Variants in PTPRC observed in about 807,000 individuals in gnomAD.
PTPRC encodes protein tyrosine phosphatase receptor type C.
Under a neutral mutation model 155.9 loss-of-function variants are expected in PTPRC, and 44 were observed. The ratio of observed to expected loss-of-function variants is 0.28; its 90% CI spans 0.22 to 0.36. The LOEUF (loss-of-function observed/expected upper bound fraction) is 0.36, where lower values mean the gene tolerates loss of function less well. PTPRC is among the 10% of genes least tolerant of loss of function. The pLI is 1.00. For missense variants in PTPRC, 1,401 were observed against 1,564.6 expected (o/e 0.90, Z 1.76); for synonymous variants, 525 against 533.1 (o/e 0.98, Z 0.21).
chr1:198,692,215 A>T, intron 2 of PTPRC, 132 bp from the exon 3 acceptor site: 2 of 564,996 alleles, frequency 3.5e-6, no homozygotes, highest in Non-Finnish European at 3.0e-6. Flanking sequence ...ATTAGGGTAA[A>T]AGCTACTGAA....
Position 198,756,212 on chromosome 1 carries a change from T to G in PTPRC, c.*31T>G, listed in dbSNP as rs375555772. On this transcript the variant is annotated 3_prime_UTR_variant, in exon 33 of 33. Coordinates refer to ENST00000442510, the MANE Select transcript of PTPRC (RefSeq NM_002838.5). ...GACATAAATGAGGAAACTCCAAACCTCCTGTTAGCTGTTATTTCTATTTTT... is the reference window on the plus strand; with the variant it reads ...GACATAAATGAGGAAACTCCAAACCGCCTGTTAGCTGTTATTTCTATTTTT... 1.7e-4 allele frequency: 272 copies of G among 1,611,362 alleles called. No homozygotes were observed. In the Middle Eastern group the frequency reaches 2.2e-3, roughly 13 times the overall value.
At chr1:198,705,042 A>G (rs542067733) in intron 8 of PTPRC, among the ~76,000 whole-genome samples, 3 of 152,180 alleles carry the variant, frequency 2.0e-5, no homozygotes, top group African/African-American at 7.2e-5. Flanking sequence ...AAGAAGAAAA[A>G]TCTCTCTTTT....
At chr1:198,681,078 A>T (rs868803084) in intron 2 of PTPRC, among the ~76,000 whole-genome samples, 1 of 152,270 alleles carries the variant, frequency 6.6e-6, no homozygotes, top group Non-Finnish European at 1.5e-5. Flanking sequence ...TTCCTTCTTT[A>T]CTAAAGATAG....
intron 32 of PTPRC, among the ~76,000 whole-genome samples, chr1:198,754,786 A>C (rs12127496): frequency 0.094 from 14,359 of 152,094 alleles, 893 homozygotes; most frequent in Non-Finnish European, 0.14. Context: ...TAGTCTAATG[A>C]TATGCTGGAA....
intron 3 of PTPRC, chr1:198,693,934 G>C: frequency 4.2e-6 from 6 of 1,438,354 alleles, no homozygotes; most frequent in Non-Finnish European, 5.5e-6. Context: ...GTTCTCTAGA[G>C]GGACAGAACT....
At chr1:198,723,726 A>G (rs570885951) in intron 15 of PTPRC, among the ~76,000 whole-genome samples, 1 of 152,216 alleles carries the variant, frequency 6.6e-6, no homozygotes, top group East Asian at 1.9e-4. Flanking sequence ...GCATGCTAGC[A>G]AGGGAGCCTG....
At chr1:198,669,792 A>G (rs557414757) in intron 2 of PTPRC, among the ~76,000 whole-genome samples, 1 of 152,332 alleles carries the variant, frequency 6.6e-6, no homozygotes, top group South Asian at 2.1e-4. Context: ...TAGCTTACTT[A>G]GTCCTGGGGC....
At chr1:198,714,536 CTG>C (rs1653476072) in intron 12 of PTPRC, among the ~76,000 whole-genome samples, 1 of 152,110 alleles carries the variant, frequency 6.6e-6, no homozygotes, top group East Asian at 1.9e-4. Context: ...AGCTATCAGG[CTG>C]TGTGTTTTCT....
rs777458591 is a variant in PTPRC at position 198,742,341 on chromosome 1, C to A, written c.2671C>A (p.Gln891Lys). 12 of 1,612,130 alleles carry A rather than the reference C, an allele frequency of 7.4e-6. No individual in the cohort carries two copies. The highest frequency in any genetic ancestry group is 4.5e-5 in the East Asian group (2 of 44,796). ...VYGYVVKLRRQRCLMVQVEAQ... is the reference protein window; with the variant it reads ...VYGYVVKLRRKRCLMVQVEAQ... ...TGGTTATGTTGTCAAGCTAAGGCGA[C>A]AGAGATGCCTGATGGTTCAAGTAGA... The change falls in exon 25 of 33, where the codon CAG (glutamine) becomes AAG (lysine). Residue 891 changes from glutamine to lysine, a missense_variant. By Grantham distance (53) the Gln-to-Lys change is moderately conservative. Coordinates refer to ENST00000442510, the MANE Select transcript of PTPRC (RefSeq NM_002838.5).
At chr1:198,687,111 G>T (rs533548691) in intron 2 of PTPRC, among the ~76,000 whole-genome samples, 97 of 152,250 alleles carry the variant, frequency 6.4e-4, no homozygotes, top group African/African-American at 2.2e-3. Flanking sequence ...CATGGGCGTA[G>T]CCTCCCAAGT....
chr1:198,653,432 G>T (rs915062797), intron 2 of PTPRC, among the ~76,000 whole-genome samples: 1 of 151,730 alleles, frequency 6.6e-6, no homozygotes, highest in Non-Finnish European at 1.5e-5. Flanking sequence ...TGGAATAAAA[G>T]TTGAAATCTT....
rs893310934 is a variant in PTPRC at position 198,734,950 on chromosome 1, G to A, written c.2278-177G>A. On this transcript the variant is annotated intron_variant, in intron 22 of 32. Transcript: ENST00000442510. ...GAAGGAAATTCTTCAGGACACATTA[G>A]TGGGAAATAGAATATATTTCAAGCA... 2.6e-5 allele frequency among the ~76,000 whole-genome samples: 4 copies of A among 151,712 alleles called. No homozygotes were observed. The East Asian group carries it at 5.8e-4, about 22-fold the overall frequency.
intron 2 of PTPRC, among the ~76,000 whole-genome samples, chr1:198,654,062 T>G (rs1663404099): frequency 6.6e-6 from 1 of 151,852 alleles, no homozygotes; most frequent in Non-Finnish European, 1.5e-5. Flanking sequence ...GTTAATAAAA[T>G]TGACGTGATT....
At chr1:198,666,204 G>A (rs2102274855) in intron 2 of PTPRC, among the ~76,000 whole-genome samples, 1 of 142,272 alleles carries the variant, frequency 7.0e-6, no homozygotes, top group South Asian at 2.2e-4. Context: ...CTGCACTCCA[G>A]CATTCTAGCC....
At chr1:198,673,989 T>G (rs191936158) in intron 2 of PTPRC, among the ~76,000 whole-genome samples, 3 of 152,326 alleles carry the variant, frequency 2.0e-5, no homozygotes, top group Admixed American at 6.5e-5. Flanking sequence ...AAAACAAGCT[T>G]CTTCTTAGTA....
chr1:198,736,301 T>G (rs998656518), intron 23 of PTPRC, among the ~76,000 whole-genome samples: 3 of 151,634 alleles, frequency 2.0e-5, no homozygotes, highest in African/African-American at 4.8e-5. Flanking sequence ...CTAATTATAT[T>G]TTTGTACACA....
chr1:198,660,018 CATATATATGTCCATATAT>C (rs1663856844), intron 2 of PTPRC, among the ~76,000 whole-genome samples: 1 of 77,666 alleles, frequency 1.3e-5, no homozygotes, highest in African/African-American at 5.3e-5. Context: ...TATATTTGTC[CATATATATGTCCATATAT>C]ATATATATAT....
intron 12 of PTPRC, 121 bp downstream of exon 12, chr1:198,713,193 A>T: frequency 2.2e-6 from 3 of 1,366,066 alleles, no homozygotes; most frequent in Non-Finnish European, 3.1e-6. Context: ...TAGGCATAGT[A>T]TACTCCCTGA....
intron 23 of PTPRC, among the ~76,000 whole-genome samples, chr1:198,736,033 A>C (rs185796388): frequency 1.3e-5 from 2 of 151,532 alleles, no homozygotes; most frequent in African/African-American, 4.8e-5. Flanking sequence ...TTTCCAACAA[A>C]TGAATTTTAT....
Sources: allele counts gnomAD v4.1 joint callset (sites outside exome capture counted in the v4.1 genomes callset), GRCh38; gene constraint gnomAD v4.1.1; transcripts MANE v1.5; gene names NCBI Gene and HGNC (gene_info 2026-07-23, HGNC 2026-07-21).